Variants in TBC1D19 observed in about 807,000 individuals in gnomAD.
TBC1D19 encodes TBC1 domain family member 19.
TBC1D19 carries 60 observed loss-of-function variants against 89.0 expected under a neutral mutation model. The ratio of observed to expected loss-of-function variants is 0.67; its 90% CI spans 0.55 to 0.84. TBC1D19 has a LOEUF of 0.84. Among genes scored for constraint, TBC1D19 ranks in the 40% least tolerant of loss-of-function variants. TBC1D19 has a pLI of 0.00. For missense variants in TBC1D19, 500 were observed against 610.8 expected (o/e 0.82, Z 1.91); for synonymous variants, 189 against 199.7 (o/e 0.95, Z 0.45).
At chr4:26,856,833 C>G in the TBC1D19 span, among the ~76,000 whole-genome samples, 3 of 152,184 alleles carry the variant, frequency 2.0e-5, no homozygotes, top group Non-Finnish European at 4.4e-5. Flanking sequence ...GCAAACACAT[C>G]CTATTTAATA....
the TBC1D19 span, among the ~76,000 whole-genome samples, chr4:26,782,713 G>A: frequency 6.6e-6 from 1 of 151,792 alleles, no homozygotes; most frequent in Non-Finnish European, 1.5e-5. Context: ...TAGAAGAAAA[G>A]GATGTATGGA....
At chr4:26,751,739 C>T (rs1466798111) in intron 19 of TBC1D19, among the ~76,000 whole-genome samples, 2 of 152,202 alleles carry the variant, frequency 1.3e-5, no homozygotes, top group African/African-American at 4.8e-5. Flanking sequence ...AGAAAAGTGC[C>T]TGTGCTTCCC....
rs901548900 is a variant in TBC1D19 at position 26,672,314 on chromosome 4, T to G, written c.703+127T>G. The G allele has an allele frequency of 1.8e-5, 13 of 721,364 alleles. No individual in the cohort carries two copies. The African/African-American group carries it at 1.9e-4, about 11-fold the overall frequency. 44.7% of individuals were successfully genotyped at this position (721,364 alleles called of 1,614,324 possible). A position where few individuals can be genotyped will look rare whatever the true frequency, so the allele number is the denominator to read the frequency against. ...GTGAAAAACCTAAAGAGGGGTAATA[T>G]TTAACCATGTAGATTACATAATGAG... is the stretch of plus-strand genomic sequence containing the variant. On this transcript the variant is annotated intron_variant, in intron 10 of 20. Coordinates refer to ENST00000264866, the MANE Select transcript of TBC1D19 (RefSeq NM_018317.4).
chr4:26,720,001 AG>A (rs749463285), intron 14 of TBC1D19, 79 bp from the exon 15 acceptor site: 120 of 1,175,828 alleles, frequency 1.0e-4, no homozygotes, highest in Non-Finnish European at 1.3e-4. Flanking sequence ...TTCCGTTGTT[AG>A]TACATTCACA....
chr4:26,605,813 A>G (rs1349531251), intron 1 of TBC1D19, among the ~76,000 whole-genome samples: 1 of 152,188 alleles, frequency 6.6e-6, no homozygotes, highest in Non-Finnish European at 1.5e-5. Flanking sequence ...AGTGATGATG[A>G]GCATTTTTTT....
chr4:26,654,369 G>A (rs984600950), intron 7 of TBC1D19, among the ~76,000 whole-genome samples: 2 of 152,000 alleles, frequency 1.3e-5, no homozygotes, highest in East Asian at 1.9e-4. Context: ...TGCTCTTCTC[G>A]AGGAGTATCT....
chr4:26,765,244 A>G, the TBC1D19 span, among the ~76,000 whole-genome samples: 2 of 152,174 alleles, frequency 1.3e-5, no homozygotes, highest in African/African-American at 4.8e-5. Flanking sequence ...ATAACACTCT[A>G]AAATTGGCAT....
chr4:26,831,734 G>C, the TBC1D19 span, among the ~76,000 whole-genome samples: 1 of 151,754 alleles, frequency 6.6e-6, no homozygotes, highest in Non-Finnish European at 1.5e-5. Context: ...AGGTGCATAG[G>C]TGCATGCCAC....
At chr4:26,735,108 A>G (rs184197679) in intron 15 of TBC1D19, among the ~76,000 whole-genome samples, 12 of 151,130 alleles carry the variant, frequency 7.9e-5, no homozygotes, top group African/African-American at 2.9e-4. Flanking sequence ...ATATATGTAT[A>G]TATGTATACA....
At chr4:26,595,702 T>A (rs1362789863) in intron 1 of TBC1D19, among the ~76,000 whole-genome samples, 1 of 151,854 alleles carries the variant, frequency 6.6e-6, no homozygotes, top group Non-Finnish European at 1.5e-5. Context: ...CCAGTACCAT[T>A]TCCTGAAAAG....
the TBC1D19 span, among the ~76,000 whole-genome samples, chr4:26,799,374 G>A: frequency 2.0e-5 from 3 of 152,130 alleles, no homozygotes; most frequent in East Asian, 5.8e-4. Context: ...AAAAAACTAA[G>A]GTGGGTGAGA....
chr4:26,585,671 C>T (rs1577745349), intron 1 of TBC1D19, among the ~76,000 whole-genome samples: 1 of 150,978 alleles, frequency 6.6e-6, no homozygotes, highest in Non-Finnish European at 1.5e-5. Context: ...ACAACCTCTG[C>T]CTCCCAGGTT....
chr4:26,583,551 G>A (rs969024180), upstream of TBC1D19, among the ~76,000 whole-genome samples: 18 of 152,196 alleles, frequency 1.2e-4, no homozygotes, highest in African/African-American at 4.3e-4. Context: ...TAGATGAGAC[G>A]AGATTGTCTA....
chr4:26,636,696 G>A (rs1323991607), intron 4 of TBC1D19, among the ~76,000 whole-genome samples: 2 of 151,936 alleles, frequency 1.3e-5, no homozygotes, highest in Non-Finnish European at 2.9e-5. Flanking sequence ...TCTTAGGTAT[G>A]ATAATGATAT....
chr4:26,674,381 A>G (rs547141766), intron 11 of TBC1D19, among the ~76,000 whole-genome samples: 3 of 152,280 alleles, frequency 2.0e-5, no homozygotes, highest in African/African-American at 7.2e-5. Flanking sequence ...ATGAATATGA[A>G]AAGAGATCAC....
At chr4:26,821,665 G>A in the TBC1D19 span, among the ~76,000 whole-genome samples, 7 of 152,206 alleles carry the variant, frequency 4.6e-5, no homozygotes, top group Non-Finnish European at 8.8e-5. Context: ...ACTTGCCTGC[G>A]AATGCAGGTC....
At chr4:26,731,434 T>C (rs886762825) in intron 15 of TBC1D19, among the ~76,000 whole-genome samples, 1 of 151,982 alleles carries the variant, frequency 6.6e-6, no homozygotes, top group Non-Finnish European at 1.5e-5. Context: ...GAGAGGTACA[T>C]AATCACATTT....
At chr4:26,808,299 G>T in the TBC1D19 span, among the ~76,000 whole-genome samples, 1 of 152,148 alleles carries the variant, frequency 6.6e-6, no homozygotes, top group African/African-American at 2.4e-5. Context: ...CACGTAGTAG[G>T]CATCTAATGA....
At chr4:26,630,354 T>TA (rs1742731256) in intron 4 of TBC1D19, among the ~76,000 whole-genome samples, 1 of 152,064 alleles carries the variant, frequency 6.6e-6, no homozygotes, top group African/African-American at 2.4e-5. Flanking sequence ...TTTTAAATGT[T>TA]AAAAACCATT....
Sources: gnomAD v4.1 joint callset for allele counts (sites outside exome capture counted in the v4.1 genomes callset) on GRCh38, gnomAD v4.1.1 for gene constraint, MANE v1.5 for transcripts, NCBI Gene and HGNC (gene_info 2026-07-23, HGNC 2026-07-21) for gene names.